The following ZNF420 variants were observed in gnomAD, a reference collection of about 807,000 sequenced individuals.
ZNF420 encodes the protein ATM and p53-associated KZNF protein.
In ZNF420, 31 loss-of-function variants were observed where a neutral mutation model predicts 44.7. The observed-to-expected ratio is 0.69, with a 90% CI of 0.52 to 0.94. The LOEUF (loss-of-function observed/expected upper bound fraction) is 0.94. Ranked by LOEUF, ZNF420 falls within the 40% of genes least tolerant of loss-of-function variation. The pLI is 0.00. For missense variants in ZNF420, 681 were observed against 827.9 expected (o/e 0.82, Z 2.18); for synonymous variants, 245 against 267.4 (o/e 0.92, Z 0.82).
At chr19:37,031,951 T>C (rs1221526343) in intron 1 of ZNF420, among the ~76,000 whole-genome samples, 3 of 152,164 alleles carry the variant, frequency 2.0e-5, no homozygotes, top group Non-Finnish European at 4.4e-5. Flanking sequence ...ACACCTATGA[T>C]CCCAGCACTT....
At chr19:37,079,336 G>T (rs1012924003) in intron 1 of ZNF420, among the ~76,000 whole-genome samples, 6 of 152,184 alleles carry the variant, frequency 3.9e-5, no homozygotes, top group Non-Finnish European at 7.3e-5. Flanking sequence ...CAGTACAGAA[G>T]TAAATTTCTT....
chr19:37,022,404 A>C (rs1018541904), intron 1 of ZNF420, among the ~76,000 whole-genome samples: 2 of 152,202 alleles, frequency 1.3e-5, no homozygotes, highest in Non-Finnish European at 2.9e-5. Context: ...AAATTTGTAC[A>C]TCTGAATTTC....
rs1020716013 is a variant in ZNF420, at chr19:37,105,054, T to G, written c.136+13933T>G. On this transcript the variant is annotated intron_variant, in intron 4 of 4. Coordinates refer to ENST00000337995, the MANE Select transcript of ZNF420 (RefSeq NM_144689.5). ...TTTGTTGCCATTGCTTTTGGTGTTT[T>G]AGACATGAAGTCCTTGCCCATGCCT... Among the ~76,000 whole-genome samples, 12 of 152,290 alleles carry G rather than the reference T, an allele frequency of 7.9e-5. No individual in the cohort carries two copies. In the South Asian group the frequency reaches 1.2e-3, roughly 16 times the overall value.
At chr19:37,086,032 C>A (rs1302128508) in intron 2 of ZNF420, among the ~76,000 whole-genome samples, 1 of 151,276 alleles carries the variant, frequency 6.6e-6, no homozygotes, top group Non-Finnish European at 1.5e-5. Flanking sequence ...AAACTTCTGG[C>A]CTCAAGTAAT....
intron 1 of ZNF420, among the ~76,000 whole-genome samples, chr19:37,038,289 T>C (rs2146406433): frequency 6.6e-6 from 1 of 152,370 alleles, no homozygotes; most frequent in East Asian, 1.9e-4. Context: ...ATTTTGCTGG[T>C]GCATGGTCTT....
At position 37,012,764 on chromosome 19, in the gene ZNF420, C is replaced by CTGTG. The variant is rs759249724; in HGVS notation, c.-125+4683_-125+4684insGTGT. On this transcript the variant is annotated intron_variant, in intron 1 of 4. Transcript: ENST00000587029. ...GTGCTTCTGTGCCACTGCTATATGT[C>CTGTG]TCTGTGTGTGTGTGTGTGTGTGTGT... Among the ~76,000 whole-genome samples the CTGTG allele has an allele frequency of 8.2e-3, 1,090 of 132,346 alleles. 39 individuals are homozygous for CTGTG. Among genetic ancestry groups the CTGTG allele is most frequent in the East Asian group, 0.019 (91 of 4,670 alleles). The allele number at this position is 132,346 out of a possible 152,430, so 86.8% of individuals were successfully genotyped here.
intron 4 of ZNF420, among the ~76,000 whole-genome samples, chr19:37,115,814 G>T (rs1324146486): frequency 2.0e-5 from 3 of 152,074 alleles, no homozygotes; most frequent in Non-Finnish European, 4.4e-5. Context: ...CTATCACATG[G>T]AGAGAAACCT....
At chr19:37,075,322 T>C (rs1299836401), upstream of ZNF420, 17 of 152,230 alleles carry the variant, frequency 1.1e-4, no homozygotes, top group Admixed American at 9.2e-4. Flanking sequence ...TGTAAGTTTT[T>C]CTGGATTTTG....
At chr19:37,063,761 CTACA>C (rs905152261) in intron 1 of ZNF420, among the ~76,000 whole-genome samples, 2 of 152,150 alleles carry the variant, frequency 1.3e-5, no homozygotes, top group Non-Finnish European at 2.9e-5. Context: ...ATGCCCCTAC[CTACA>C]TAACCACAAT....
At chr19:37,059,825 T>G (rs1967839412) in intron 1 of ZNF420, among the ~76,000 whole-genome samples, 1 of 151,974 alleles carries the variant, frequency 6.6e-6, no homozygotes, top group Admixed American at 6.6e-5. Context: ...TCTATCTCTG[T>G]GTGTGTGTGC....
intron 4 of ZNF420, among the ~76,000 whole-genome samples, chr19:37,103,466 A>T (rs183458412): frequency 4.9e-4 from 75 of 152,064 alleles, no homozygotes; most frequent in African/African-American, 1.4e-3. Context: ...GTTTTTGTTT[A>T]TTTAGGAGCT....
intron 4 of ZNF420, among the ~76,000 whole-genome samples, chr19:37,106,140 T>C (rs1231887547): frequency 6.6e-6 from 1 of 152,200 alleles, no homozygotes; most frequent in Non-Finnish European, 1.5e-5. Flanking sequence ...CAGTATGATA[T>C]TGGCTGTGGG....
rs183711666 is a variant in ZNF420 at position 37,090,126 on chromosome 19, G to A, written c.10-869G>A. On this transcript the variant is annotated intron_variant, in intron 3 of 4. Transcript: ENST00000337995. ...AATATACATATTGTATAAAATGCTTGTGTATGCTACTTCTTTTAATTGGGA... is the reference window on the plus strand; with the variant it reads ...AATATACATATTGTATAAAATGCTTATGTATGCTACTTCTTTTAATTGGGA... Among the ~76,000 whole-genome samples the A allele has an allele frequency of 2.5e-3, 374 of 152,270 alleles. 2 individuals are homozygous for A. In the South Asian group the frequency reaches 0.028, roughly 11 times the overall value.
intron 1 of ZNF420, among the ~76,000 whole-genome samples, chr19:37,034,118 G>A (rs1265562430): frequency 8.7e-5 from 13 of 149,986 alleles, no homozygotes; most frequent in Non-Finnish European, 1.6e-4. Flanking sequence ...TGACTATACC[G>A]TTGCAGAATC....
intron 1 of ZNF420, among the ~76,000 whole-genome samples, chr19:37,041,886 T>C (rs1196483250): frequency 6.6e-6 from 1 of 152,268 alleles, no homozygotes; most frequent in African/African-American, 2.4e-5. Context: ...ATTATCTCTA[T>C]TTCTTTGCTA....
intron 4 of ZNF420, among the ~76,000 whole-genome samples, chr19:37,123,196 C>T (rs1244171308): frequency 1.3e-5 from 2 of 152,198 alleles, no homozygotes; most frequent in African/African-American, 4.8e-5. Context: ...TGGTCTGAGT[C>T]AGGTGGATTA....
chr19:37,009,060 G>A (rs1321495995), intron 1 of ZNF420, among the ~76,000 whole-genome samples: 1 of 152,238 alleles, frequency 6.6e-6, no homozygotes, highest in African/African-American at 2.4e-5. Context: ...AATGGTAGGC[G>A]ACCGTGGCTG....
At chr19:37,121,579 TC>T (rs1288334432) in intron 4 of ZNF420, among the ~76,000 whole-genome samples, 2 of 152,128 alleles carry the variant, frequency 1.3e-5, no homozygotes, top group East Asian at 1.9e-4. Flanking sequence ...GGACTTCATG[TC>T]TCAAACACCA....
At chr19:37,049,915 G>GT (rs1264091028) in intron 1 of ZNF420, among the ~76,000 whole-genome samples, 2 of 152,190 alleles carry the variant, frequency 1.3e-5, no homozygotes, top group African/African-American at 4.8e-5. Context: ...AAGGGATCCA[G>GT]TTTCAGCTTT....
Sources: allele counts gnomAD v4.1 joint callset (sites outside exome capture counted in the v4.1 genomes callset), GRCh38; gene constraint gnomAD v4.1.1; transcripts MANE v1.5; gene names NCBI Gene and HGNC (gene_info 2026-07-23, HGNC 2026-07-21).